The following PTK2B variants were observed in gnomAD, a reference collection of about 807,000 sequenced individuals.
PTK2B encodes the protein protein tyrosine kinase 2 beta.
Under a neutral mutation model 142.9 loss-of-function variants are expected in PTK2B, and 71 were observed. The observed-to-expected ratio is 0.50, with a 90% CI of 0.41 to 0.61. The LOEUF (loss-of-function observed/expected upper bound fraction) is 0.61, where lower values mean the gene tolerates loss of function less well. Ranked by LOEUF, PTK2B falls within the 20% of genes least tolerant of loss-of-function variation. PTK2B has a pLI of 0.00. For missense variants in PTK2B, 1,105 were observed against 1,320.4 expected (o/e 0.84, Z 2.53); for synonymous variants, 519 against 503.4 (o/e 1.03, Z -0.42).
intron 1 of PTK2B, among the ~76,000 whole-genome samples, chr8:27,381,217 A>G (rs1806997831): frequency 6.6e-6 from 1 of 152,154 alleles, no homozygotes; most frequent in Non-Finnish European, 1.5e-5. Flanking sequence ...CCTCTCTTCT[A>G]TTTAAAAATA....
intron 5 of PTK2B, among the ~76,000 whole-genome samples, chr8:27,424,618 A>G (rs1809963541): frequency 6.6e-6 from 1 of 152,222 alleles, no homozygotes; most frequent in Admixed American, 6.5e-5. Context: ...TTGCAGGTCT[A>G]ATAATTTTTA....
At chr8:27,322,714 C>T (rs1803248107), upstream of PTK2B, 1 of 152,164 alleles carries the variant, frequency 6.6e-6, no homozygotes, top group Non-Finnish European at 1.5e-5. Context: ...TCCAAAGTCA[C>T]AACCTCTTCC....
intron 1 of PTK2B, among the ~76,000 whole-genome samples, chr8:27,329,255 T>C (rs550816159): frequency 6.6e-6 from 1 of 152,290 alleles, no homozygotes; most frequent in African/African-American, 2.4e-5. Context: ...CTTTCTAGCA[T>C]CATGCATCCT....
chr8:27,359,776 G>C (rs1387132654), intron 1 of PTK2B, among the ~76,000 whole-genome samples: 7 of 152,064 alleles, frequency 4.6e-5, no homozygotes, highest in Non-Finnish European at 7.3e-5. Context: ...CTGGGACCCA[G>C]ACAGAGGTCA....
intron 5 of PTK2B, among the ~76,000 whole-genome samples, chr8:27,426,404 A>G (rs1810085031): frequency 6.6e-6 from 1 of 152,216 alleles, no homozygotes; most frequent in African/African-American, 2.4e-5. Context: ...CACTCCAGGT[A>G]GGCACAGCCT....
rs961340017 is a variant in PTK2B, at chr8:27,363,731, A to G, written c.-37-33817A>G. Among the ~76,000 whole-genome samples, 5 of 152,094 alleles carry G rather than the reference A, an allele frequency of 3.3e-5. No homozygotes were observed. Among genetic ancestry groups the G allele is most frequent in the Non-Finnish European group, 5.9e-5 (4 of 68,016 alleles). The stretch of plus-strand genomic sequence containing the variant: ...TGTCTGAGTAGGCTGCATGATGACT[A>G]TTGATTGGCTGAAGCCCCAGAAATA... On this transcript the variant is annotated intron_variant, in intron 1 of 30. Coordinates refer to ENST00000346049, the MANE Select transcript of PTK2B (RefSeq NM_173176.3). The surrounding 1 kb of genome is among the most constrained non-coding windows in gnomAD (Gnocchi z 4.3).
chr8:27,415,361 T>G (rs1809337397), intron 2 of PTK2B, among the ~76,000 whole-genome samples: 2 of 152,222 alleles, frequency 1.3e-5, no homozygotes, highest in Admixed American at 1.3e-4. Context: ...AGGTATTCTC[T>G]GCTCCCCAAC....
chr8:27,430,008 G>A (rs1810307362), intron 5 of PTK2B, 85 bp from the exon 6 acceptor site: 2 of 1,228,702 alleles, frequency 1.6e-6, no homozygotes, highest in Non-Finnish European at 2.4e-6. Context: ...CAGGGGAAGG[G>A]GGCTTCTGGT....
chr8:27,356,001 C>T (rs13282373), intron 1 of PTK2B, among the ~76,000 whole-genome samples: 6 of 149,600 alleles, frequency 4.0e-5, no homozygotes, highest in South Asian at 2.1e-4. Context: ...CCAGCCCAGG[C>T]GACAGTGCAA....
chr8:27,453,497 A>G (rs1427065836), intron 28 of PTK2B, among the ~76,000 whole-genome samples: 5 of 152,164 alleles, frequency 3.3e-5, no homozygotes, highest in African/African-American at 9.7e-5. Flanking sequence ...TTGTCCTTAC[A>G]GCCATCTGGG....
chr8:27,450,968 G>A (rs1811767984), intron 25 of PTK2B, 73 bp downstream of exon 25: 1 of 1,612,462 alleles, frequency 6.2e-7, no homozygotes, highest in Admixed American at 1.7e-5. Flanking sequence ...GGTGGCTGGG[G>A]CAAGGGTCCC....
At chr8:27,399,099 A>T (rs1471528600) in intron 2 of PTK2B, among the ~76,000 whole-genome samples, 2 of 152,204 alleles carry the variant, frequency 1.3e-5, no homozygotes, top group Non-Finnish European at 2.9e-5. Context: ...TCCTTTGGGT[A>T]TATCATTTTT....
At chr8:27,324,960 C>A (rs1803326698), upstream of PTK2B, among the ~76,000 whole-genome samples, 1 of 152,224 alleles carries the variant, frequency 6.6e-6, no homozygotes, top group Non-Finnish European at 1.5e-5. Flanking sequence ...GCATCTCTAA[C>A]TATTCTTGTG....
At chr8:27,351,286 T>A (rs945631258) in intron 1 of PTK2B, among the ~76,000 whole-genome samples, 10 of 151,668 alleles carry the variant, frequency 6.6e-5, no homozygotes, top group African/African-American at 2.4e-4. Flanking sequence ...TAGAAAGTCA[T>A]GGAATCAAAG....
chr8:27,414,251 TTC>T (rs1809242584), intron 2 of PTK2B, among the ~76,000 whole-genome samples: 2 of 48,562 alleles, frequency 4.1e-5, no homozygotes, highest in South Asian at 1.7e-3. Context: ...TCACTGCTTC[TTC>T]TTTTTTTTTT....
At chr8:27,383,113 TG>T (rs556977387) in intron 1 of PTK2B, among the ~76,000 whole-genome samples, 29 of 152,362 alleles carry the variant, frequency 1.9e-4, no homozygotes, top group African/African-American at 6.7e-4. Flanking sequence ...GGTCTTTTGA[TG>T]GGGGTTGCAT....
At chr8:27,364,622 A>T (rs1040742861) in intron 1 of PTK2B, among the ~76,000 whole-genome samples, 72 of 152,348 alleles carry the variant, frequency 4.7e-4, no homozygotes, top group African/African-American at 1.5e-3. Flanking sequence ...CTTGAGCTAC[A>T]GTTAAGCAAG....
At chr8:27,365,384 G>A (rs1239707769) in intron 1 of PTK2B, among the ~76,000 whole-genome samples, 1 of 152,208 alleles carries the variant, frequency 6.6e-6, no homozygotes, top group Non-Finnish European at 1.5e-5. Context: ...CCGAGGGAAG[G>A]CAGGAGACCC....
At chr8:27,352,528 T>A (rs1805159020) in intron 1 of PTK2B, among the ~76,000 whole-genome samples, 1 of 152,212 alleles carries the variant, frequency 6.6e-6, no homozygotes, top group Non-Finnish European at 1.5e-5. Flanking sequence ...TGCTATAGAA[T>A]CAGCTATGAA....
Sources: allele counts gnomAD v4.1 joint callset (sites outside exome capture counted in the v4.1 genomes callset), GRCh38; gene constraint gnomAD v4.1.1; non-coding constraint Gnocchi (gnomAD v3.1); transcripts MANE v1.5; gene names NCBI Gene and HGNC (gene_info 2026-07-23, HGNC 2026-07-21).